Variants in CFAP69 observed in about 807,000 individuals in gnomAD.
CFAP69 encodes cilia- and flagella-associated protein 69.
In CFAP69, 92 loss-of-function variants were observed where a neutral mutation model predicts 123.0. The observed-to-expected ratio is 0.75, with a 90% CI of 0.63 to 0.89. The LOEUF is 0.89. Ranked by LOEUF, CFAP69 falls within the 40% of genes least tolerant of loss-of-function variation. The pLI, the probability that CFAP69 is intolerant of heterozygous loss-of-function variation, is 0.00. For missense variants in CFAP69, 1,067 were observed against 1,096.9 expected (o/e 0.97, Z 0.39); for synonymous variants, 380 against 364.3 (o/e 1.04, Z -0.49).
intron 6 of CFAP69, 129 bp from the exon 7 acceptor site, chr7:90,271,397 C>A (rs569680628): frequency 1.0e-6 from 1 of 968,766 alleles, no homozygotes; most frequent in Admixed American, 2.7e-5. Context: ...CTATGCTGCG[C>A]AATTTTTAAA....
chr7:90,310,931 GTATGTTGGTCAAAATAAAAT>G lies in CFAP69; in HGVS notation c.*700_*719del, dbSNP rs1217821427. The G allele has an allele frequency of 6.6e-6, 1 of 152,038 alleles. No individual in the cohort carries two copies. Among genetic ancestry groups the G allele is most frequent in the African/African-American group, 2.4e-5 (1 of 41,388 alleles). The allele number at this position is 152,038 out of a possible 1,614,324, so 9.4% of individuals were successfully genotyped here. A position where few individuals can be genotyped will look rare whatever the true frequency, so the allele number is the denominator to read the frequency against. ...AAGATAAACAATAACTCTGCAACAA[GTATGTTGGTCAAAATAAAAT>G]TATGTTTTCTCTGCTATAAAAGCAA... On this transcript the variant is annotated 3_prime_UTR_variant, in exon 23 of 23. Coordinates refer to ENST00000389297, the MANE Select transcript of CFAP69 (RefSeq NM_001039706.3).
intron 1 of CFAP69, among the ~76,000 whole-genome samples, chr7:90,247,307 G>C (rs971734798): frequency 6.6e-6 from 1 of 152,204 alleles, no homozygotes; most frequent in Non-Finnish European, 1.5e-5. Context: ...CCTTAGGCCA[G>C]TTTAGGAAAG....
chr7:90,255,487 G>A lies in CFAP69; in HGVS notation c.180+5G>A. The A allele has an allele frequency of 6.2e-7, 1 of 1,609,812 alleles. No individual in the cohort carries two copies. Among genetic ancestry groups the A allele is most frequent in the Non-Finnish European group, 8.5e-7 (1 of 1,176,904 alleles). Reference sequence around the variant, plus strand: ...CTCCTCGAAGAGACTGATAAAGTGAGTAAGCTTTGAGAGAAAATTACTCCG... The same window carrying A: ...CTCCTCGAAGAGACTGATAAAGTGAATAAGCTTTGAGAGAAAATTACTCCG... On this transcript the variant is annotated splice_donor_5th_base_variant and intron_variant, in intron 2 of 22. Transcript: ENST00000389297.
chr7:90,310,027 G>T (rs17867616), intron 22 of CFAP69, 41 bp from the exon 23 acceptor site: 1 of 956,520 alleles, frequency 1.0e-6, no homozygotes, highest in East Asian at 2.6e-5. Flanking sequence ...GTTGAAAATT[G>T]TGTAAATGGA....
chr7:90,279,385 C>T (rs1323386403), intron 11 of CFAP69, among the ~76,000 whole-genome samples: 2 of 151,864 alleles, frequency 1.3e-5, no homozygotes, highest in Admixed American at 6.6e-5. Flanking sequence ...GTTAAAATAT[C>T]CTATGGTTTT....
At chr7:90,258,500 C>T (rs1019838377) in intron 3 of CFAP69, among the ~76,000 whole-genome samples, 2 of 152,106 alleles carry the variant, frequency 1.3e-5, no homozygotes, top group African/African-American at 4.8e-5. Context: ...GCTGTCGTCA[C>T]ATCATCTTCT....
intron 9 of CFAP69, chr7:90,276,058 A>G (rs890958604): frequency 6.6e-6 from 1 of 152,224 alleles, no homozygotes; most frequent in Non-Finnish European, 1.5e-5. Flanking sequence ...TCTGTACCAG[A>G]AGCTGAGCCT....
intron 19 of CFAP69, among the ~76,000 whole-genome samples, chr7:90,306,578 A>G (rs994100770): frequency 6.6e-6 from 1 of 152,200 alleles, no homozygotes; most frequent in Admixed American, 6.5e-5. Context: ...AAAGATCAGA[A>G]TAAATCAGCA....
chr7:90,287,741 A>G (rs2117154188), intron 14 of CFAP69: 2 of 986,248 alleles, frequency 2.0e-6, no homozygotes, highest in Non-Finnish European at 2.4e-6. Context: ...CAGCAAGGCA[A>G]TAAGAAAGGT....
In CFAP69 at chr7:90,310,136, T is replaced by TA. The variant is rs1341244645; in HGVS notation, c.2725dup (p.Thr909AsnfsTer6). On this transcript the variant is annotated frameshift_variant, in exon 23 of 23. Coordinates refer to ENST00000389297, the MANE Select transcript of CFAP69 (RefSeq NM_001039706.3). LOFTEE classifies it high-confidence loss of function. ...GATTAGTAGGAGGACCTCTGGTTGATACGGATATTGCTCTTAAAAAACTGC... is the reference window on the plus strand; with the variant it reads ...GATTAGTAGGAGGACCTCTGGTTGATAACGGATATTGCTCTTAAAAAACTGC... 6.2e-7 allele frequency: 1 copy of TA among 1,613,998 alleles called. No individual in the cohort carries two copies. The highest frequency in any genetic ancestry group is 2.2e-5 in the East Asian group (1 of 44,866).
intron 20 of CFAP69, 68 bp downstream of exon 20, chr7:90,307,166 A>G (rs1171610815): frequency 9.3e-6 from 10 of 1,078,988 alleles, no homozygotes. Flanking sequence ...AAATACAGTT[A>G]GATAGAATAA....
intron 15 of CFAP69, among the ~76,000 whole-genome samples, chr7:90,292,776 T>G (rs1791387818): frequency 6.6e-6 from 1 of 152,196 alleles, no homozygotes; most frequent in Non-Finnish European, 1.5e-5. Flanking sequence ...TCTGTTAGTT[T>G]AGTCCACAAA....
chr7:90,259,786 AT>A (rs142262116), intron 3 of CFAP69, among the ~76,000 whole-genome samples: 13 of 151,284 alleles, frequency 8.6e-5, no homozygotes, highest in African/African-American at 2.7e-4. Context: ...ACAGCTGGCC[AT>A]TTTTTTTTAA....
Position 90,279,909 on chromosome 7 carries a change from A to T in CFAP69, c.1372+16A>T. On this transcript the variant is annotated intron_variant, in intron 12 of 22. Transcript: ENST00000389297. ...GAGAGTGAAGGTGAGTGGCCCTTCA[A>T]GATTCTTGTCAAAATTCTAATCTTC... The T allele has an allele frequency of 6.5e-7, 1 of 1,535,506 alleles. No homozygotes were observed. Among genetic ancestry groups the T allele is most frequent in the Non-Finnish European group, 8.7e-7 (1 of 1,143,088 alleles).
At chr7:90,305,453 C>T (rs947372302) in intron 19 of CFAP69, among the ~76,000 whole-genome samples, 2 of 151,312 alleles carry the variant, frequency 1.3e-5, no homozygotes, top group Non-Finnish European at 2.9e-5. Flanking sequence ...AGTACAATGG[C>T]ATGATCTTGG....
At position 90,254,613 on chromosome 7, in the gene CFAP69, G is replaced by A. The variant is rs187431122; in HGVS notation, c.121-810G>A. On this transcript the variant is annotated intron_variant, in intron 1 of 22. Transcript: ENST00000389297. ...TAAACTTAGGGTGCTATGAGAGCAC[G>A]GCATTTTTCTAGCCTTTTTCATCCT... 7.2e-5 allele frequency among the ~76,000 whole-genome samples: 11 copies of A among 152,218 alleles called. No individual in the cohort carries two copies. The East Asian group carries it at 9.6e-4, about 13-fold the overall frequency.
the CFAP69 span, chr7:90,318,648 G>A: frequency 1.3e-5 from 2 of 151,786 alleles, no homozygotes; most frequent in African/African-American, 4.8e-5. Flanking sequence ...TTTAACTGAT[G>A]TTTTCTTTAA....
intron 1 of CFAP69, among the ~76,000 whole-genome samples, chr7:90,246,227 G>A (rs1171798961): frequency 1.3e-5 from 2 of 152,120 alleles, no homozygotes; most frequent in Non-Finnish European, 2.9e-5. Flanking sequence ...TCCATTTGAG[G>A]CCCTTGGATC....
Position 90,304,113 on chromosome 7 carries a change from A to C in CFAP69, c.2188+7A>C. ...GCTATATTGGGCAAACTAGGTAAGA[A>C]GTTCTCTTCAAATTTGCAAGAGTCT... On this transcript the variant is annotated splice_region_variant and intron_variant, in intron 18 of 22. Transcript: ENST00000389297. 1 of 1,544,770 alleles carries C rather than the reference A, an allele frequency of 6.5e-7. No individual in the cohort carries two copies. Among genetic ancestry groups the C allele is most frequent in the Non-Finnish European group, 8.7e-7 (1 of 1,143,726 alleles).
Sources: gnomAD v4.1 joint callset for allele counts (sites outside exome capture counted in the v4.1 genomes callset) on GRCh38, gnomAD v4.1.1 for gene constraint, MANE v1.5 for transcripts, NCBI Gene and HGNC (gene_info 2026-07-23, HGNC 2026-07-21) for gene names.